The following FAM163A variants were observed in gnomAD, a reference collection of about 807,000 sequenced individuals.
FAM163A encodes family with sequence similarity 163 member A.
FAM163A carries 7 observed loss-of-function variants against 12.0 expected under a neutral mutation model. The ratio of observed to expected loss-of-function variants is 0.58; its 90% CI spans 0.33 to 1.10. The LOEUF (loss-of-function observed/expected upper bound fraction) is 1.10, where lower values mean the gene tolerates loss of function less well. Ranked by LOEUF, FAM163A falls within the 50% of genes least tolerant of loss-of-function variation. FAM163A has a pLI of 0.03. For missense variants in FAM163A, 202 were observed against 218.6 expected (o/e 0.92, Z 0.48); for synonymous variants, 101 against 91.0 (o/e 1.11, Z -0.62).
intron 1 of FAM163A, among the ~76,000 whole-genome samples, chr1:179,805,730 G>A (rs530956425): frequency 3.3e-5 from 5 of 152,286 alleles, no homozygotes; most frequent in African/African-American, 1.2e-4. Flanking sequence ...CCCAGGAGCT[G>A]CTGTTTTACC....
rs59508841 is a variant in FAM163A at position 179,796,490 on chromosome 1, A to G, written c.-135-11308A>G. On this transcript the variant is annotated intron_variant, in intron 1 of 4. Coordinates refer to ENST00000341785, the MANE Select transcript of FAM163A (RefSeq NM_173509.3). ...TAACATATTGTTAAAACTTTAAAAA[A>G]TCTTTTTCCCCATCTCCACCTCTCC... Among the ~76,000 whole-genome samples the G allele has an allele frequency of 1.4e-4, 21 of 152,276 alleles. No individual in the cohort carries two copies. The East Asian group carries it at 3.7e-3, about 27-fold the overall frequency.
chr1:179,764,158 G>C (rs895046801), intron 1 of FAM163A, among the ~76,000 whole-genome samples: 10 of 152,190 alleles, frequency 6.6e-5, no homozygotes, highest in African/African-American at 2.2e-4. Context: ...GCAGAAAATA[G>C]ATGATGGGAA....
chr1:179,771,022 A>G (rs1452593890), intron 1 of FAM163A, among the ~76,000 whole-genome samples: 1 of 152,188 alleles, frequency 6.6e-6, no homozygotes, highest in East Asian at 1.9e-4. Context: ...GAAGTTTTCC[A>G]GTTGCTGCAG....
rs1462046144 is a variant in FAM163A, at chr1:179,815,214, C to T, written c.*1025C>T. The T allele has an allele frequency of 6.5e-6, 1 of 152,676 alleles. No homozygotes were observed. The highest frequency in any genetic ancestry group is 1.9e-4 in the East Asian group (1 of 5,186). The allele number at this position is 152,676 out of a possible 1,614,324, so 9.5% of individuals were successfully genotyped here. A position where few individuals can be genotyped will look rare whatever the true frequency, so the allele number is the denominator to read the frequency against. On this transcript the variant is annotated 3_prime_UTR_variant, in exon 5 of 5. Coordinates refer to ENST00000341785, the MANE Select transcript of FAM163A (RefSeq NM_173509.3). ...GGAGCTGCAGAGAGGAAAGGTCTCCCATGTACCAGAGAAGGAAAAGTCTGA... is the reference window on the plus strand; with the variant it reads ...GGAGCTGCAGAGAGGAAAGGTCTCCTATGTACCAGAGAAGGAAAAGTCTGA...
At chr1:179,776,737 G>A (rs1156621034) in intron 1 of FAM163A, among the ~76,000 whole-genome samples, 2 of 152,128 alleles carry the variant, frequency 1.3e-5, no homozygotes, top group African/African-American at 4.8e-5. Flanking sequence ...ATTTAAATCT[G>A]TTTAATGTAT....
At chr1:179,784,231 C>T (rs1008496058) in intron 1 of FAM163A, among the ~76,000 whole-genome samples, 4 of 152,208 alleles carry the variant, frequency 2.6e-5, no homozygotes, top group Non-Finnish European at 5.9e-5. Flanking sequence ...CAGGAATAAC[C>T]TGGCCACAGC....
chr1:179,778,912 C>T (rs72708630), intron 1 of FAM163A, among the ~76,000 whole-genome samples: 1 of 152,290 alleles, frequency 6.6e-6, no homozygotes, highest in Non-Finnish European at 1.5e-5. Flanking sequence ...AGGCTCCGAG[C>T]TAGACTCACA....
chr1:179,751,765 G>A (rs1327265269), intron 1 of FAM163A, among the ~76,000 whole-genome samples: 1 of 152,102 alleles, frequency 6.6e-6, no homozygotes, highest in African/African-American at 2.4e-5. Context: ...AAAACTGAAA[G>A]CTTTTCCTCT....
intron 1 of FAM163A, among the ~76,000 whole-genome samples, chr1:179,748,928 A>G (rs1432739097): frequency 6.6e-6 from 1 of 152,262 alleles, no homozygotes; most frequent in Non-Finnish European, 1.5e-5. Flanking sequence ...AATTACTTGT[A>G]ACATGAAACG....
At chr1:179,778,626 T>C (rs1689302587) in intron 1 of FAM163A, among the ~76,000 whole-genome samples, 1 of 152,026 alleles carries the variant, frequency 6.6e-6, no homozygotes, top group South Asian at 2.1e-4. Flanking sequence ...GGAAAGATAG[T>C]AGCATTCCAA....
intron 1 of FAM163A, among the ~76,000 whole-genome samples, chr1:179,806,723 A>T (rs1367506237): frequency 6.6e-6 from 1 of 152,104 alleles, no homozygotes; most frequent in African/African-American, 2.4e-5. Context: ...GCTGAGCATC[A>T]CCCCTACAGG....
chr1:179,742,826 G>C (rs1025350992), upstream of FAM163A: 3 of 151,954 alleles, frequency 2.0e-5, no homozygotes, highest in African/African-American at 7.3e-5. Context: ...CCTGCCACGA[G>C]GCCCGGGTAC....
chr1:179,754,072 G>A (rs182824465), intron 1 of FAM163A, among the ~76,000 whole-genome samples: 69 of 152,204 alleles, frequency 4.5e-4, no homozygotes, highest in African/African-American at 1.6e-3. Flanking sequence ...CCTCAGAAGC[G>A]GAAGGACATC....
intron 1 of FAM163A, among the ~76,000 whole-genome samples, chr1:179,794,512 G>A (rs1469738380): frequency 6.6e-6 from 1 of 152,106 alleles, no homozygotes; most frequent in Non-Finnish European, 1.5e-5. Context: ...TGTGGCATGC[G>A]GTGGATAGAC....
chr1:179,760,788 C>A (rs190405329), intron 1 of FAM163A, among the ~76,000 whole-genome samples: 10 of 152,300 alleles, frequency 6.6e-5, no homozygotes, highest in African/African-American at 2.4e-4. Flanking sequence ...GGGGCACTTT[C>A]CTAAAGTCTA....
intron 1 of FAM163A, among the ~76,000 whole-genome samples, chr1:179,780,639 G>A (rs13374908): frequency 0.26 from 39,614 of 152,066 alleles, 6,688 homozygotes; most frequent in East Asian, 0.78. Flanking sequence ...GGGTGGGGCC[G>A]GCAATGCACA....
intron 1 of FAM163A, among the ~76,000 whole-genome samples, chr1:179,755,137 A>G (rs1685830742): frequency 1.3e-5 from 1 of 78,984 alleles, no homozygotes; most frequent in African/African-American, 4.7e-5. Context: ...ACTCTGCCTC[A>G]AAAAAAAAAA....
At chr1:179,780,054 GCTCT>G (rs1188728824) in intron 1 of FAM163A, among the ~76,000 whole-genome samples, 1 of 152,200 alleles carries the variant, frequency 6.6e-6, no homozygotes, top group African/African-American at 2.4e-5. Context: ...CTGACTCTTG[GCTCT>G]GTCCCTGGAG....
chr1:179,789,739 C>T (rs1691175709), intron 1 of FAM163A, among the ~76,000 whole-genome samples: 2 of 152,078 alleles, frequency 1.3e-5, no homozygotes, highest in South Asian at 4.1e-4. Flanking sequence ...AGTAATATTA[C>T]CCAGGATGAG....
Sources: gnomAD v4.1 joint callset for allele counts (sites outside exome capture counted in the v4.1 genomes callset) on GRCh38, gnomAD v4.1.1 for gene constraint, MANE v1.5 for transcripts, NCBI Gene and HGNC (gene_info 2026-07-23, HGNC 2026-07-21) for gene names.